The following TLN2 variants were observed in gnomAD, a reference collection of about 807,000 sequenced individuals.
The protein encoded by TLN2 is talin-2.
TLN2 carries 118 observed loss-of-function variants against 294.7 expected under a neutral mutation model. The ratio of observed to expected loss-of-function variants is 0.40; its 90% CI spans 0.34 to 0.47. The LOEUF is 0.47. TLN2 is among the 20% of genes least tolerant of loss of function. The probability of loss-of-function intolerance (pLI) is 0.84; values close to 1 mark genes in which losing one functional copy is unlikely to be tolerated. For missense variants in TLN2, 3,083 were observed against 3,282.2 expected (o/e 0.94, Z 1.48); for synonymous variants, 1,431 against 1,304.5 (o/e 1.10, Z -2.09).
At chr15:62,675,449 GTGC>G in intron 11 of TLN2, 128 bp downstream of exon 11, 1 of 877,984 alleles carries the variant, frequency 1.1e-6, no homozygotes, top group Non-Finnish European at 1.8e-6. Context: ...CATCTGGCTA[GTGC>G]TGACCTGCGT....
At chr15:62,818,631 G>A (rs544149395) in intron 52 of TLN2, among the ~76,000 whole-genome samples, 1 of 152,276 alleles carries the variant, frequency 6.6e-6, no homozygotes, top group African/African-American at 2.4e-5. Context: ...AAATCCTCAG[G>A]ACTTCTCCCA....
intron 2 of TLN2, among the ~76,000 whole-genome samples, chr15:62,613,209 A>G (rs2048057074): frequency 6.6e-6 from 1 of 152,240 alleles, no homozygotes; most frequent in Non-Finnish European, 1.5e-5. Flanking sequence ...TGGAATACAT[A>G]GAATCAGGCA....
chr15:62,703,709 T>C (rs1453875126), intron 19 of TLN2, among the ~76,000 whole-genome samples: 2 of 152,158 alleles, frequency 1.3e-5, no homozygotes, highest in Admixed American at 6.5e-5. Context: ...TTGTGTCTTA[T>C]CCAAAACCAC....
At chr15:62,569,415 A>C (rs2043677556) in intron 1 of TLN2, among the ~76,000 whole-genome samples, 1 of 152,132 alleles carries the variant, frequency 6.6e-6, no homozygotes. Context: ...CTGGCTCTAG[A>C]GTCTCTCTTC....
At chr15:62,648,674 A>G (rs2052222051) in intron 4 of TLN2, among the ~76,000 whole-genome samples, 1 of 150,888 alleles carries the variant, frequency 6.6e-6, no homozygotes, top group African/African-American at 2.4e-5. Context: ...CAGCCTCCCA[A>G]GTAGCTGGGA....
chr15:62,580,420 C>T (rs2044848024), intron 1 of TLN2, among the ~76,000 whole-genome samples: 1 of 151,172 alleles, frequency 6.6e-6, no homozygotes, highest in Non-Finnish European at 1.5e-5. Flanking sequence ...CCCTCCCTCC[C>T]TCCCTTCCTT....
rs2049934569 is a variant in TLN2 at position 62,631,901 on chromosome 15, A to G, written c.-37+13426A>G. Among the ~76,000 whole-genome samples the G allele has an allele frequency of 3.3e-5, 5 of 151,934 alleles. No individual in the cohort carries two copies. The South Asian group carries it at 1.0e-3, about 32-fold the overall frequency. ...GGCCTTGATAGTTTTATAGTGAGGT[A>G]TTTTTTAATAGTCTCCTCTCTATAG... is the stretch of plus-strand genomic sequence containing the variant. On this transcript the variant is annotated intron_variant, in intron 3 of 58. Coordinates refer to ENST00000636159, the MANE Select transcript of TLN2 (RefSeq NM_015059.3).
chr15:62,435,215 T>C (rs1373977175), intron 1 of TLN2, among the ~76,000 whole-genome samples: 1 of 152,238 alleles, frequency 6.6e-6, no homozygotes, highest in African/African-American at 2.4e-5. Flanking sequence ...TGAATAGTGC[T>C]GCAGTGAACA....
At chr15:62,426,761 C>T (rs539478511) in intron 1 of TLN2, among the ~76,000 whole-genome samples, 1 of 152,256 alleles carries the variant, frequency 6.6e-6, no homozygotes, top group East Asian at 1.9e-4. Flanking sequence ...GAGGCCCTGC[C>T]TTGTGGCCAG....
intron 3 of TLN2, among the ~76,000 whole-genome samples, chr15:62,626,490 C>T (rs777973146): frequency 6.6e-5 from 10 of 152,160 alleles, no homozygotes; most frequent in South Asian, 2.1e-4. Flanking sequence ...TGCTCACTAC[C>T]GCCCTTCATT....
chr15:62,579,562 T>A (rs1365670705), intron 1 of TLN2, among the ~76,000 whole-genome samples: 1 of 152,200 alleles, frequency 6.6e-6, no homozygotes, highest in Non-Finnish European at 1.5e-5. Flanking sequence ...CTGTTGCATT[T>A]ATGCTGTGGT....
intron 34 of TLN2, 41 bp from the exon 35 acceptor site, chr15:62,752,264 C>T (rs370672826): frequency 5.6e-6 from 9 of 1,607,846 alleles, no homozygotes; most frequent in Non-Finnish European, 6.8e-6. Flanking sequence ...TGGTTTGAGG[C>T]AATGCTGGAT....
chr15:62,443,829 A>G (rs764764047), intron 1 of TLN2, among the ~76,000 whole-genome samples: 4 of 152,138 alleles, frequency 2.6e-5, no homozygotes, highest in African/African-American at 9.7e-5. Flanking sequence ...GCGAAACCCT[A>G]TCTCTACAGA....
chr15:62,577,026 T>C (rs895200450), intron 1 of TLN2, among the ~76,000 whole-genome samples: 2 of 152,232 alleles, frequency 1.3e-5, no homozygotes, highest in Non-Finnish European at 2.9e-5. Flanking sequence ...GTGTCTTTCC[T>C]GGGTCACCTT....
Position 62,776,866 on chromosome 15 carries a change from CTGGT to C in TLN2, c.5474_5477del (p.Val1825GlyfsTer11). ...GAACGAAGCTGCCAGTGAAGTGGGG[CTGGT>C]TGGGGGCATGGTGGACGCCATTGCA... On this transcript the variant is annotated frameshift_variant, in exon 43 of 59. Coordinates refer to ENST00000636159, the MANE Select transcript of TLN2 (RefSeq NM_015059.3). LOFTEE classifies it high-confidence loss of function. 1 of 1,598,144 alleles carries C rather than the reference CTGGT, an allele frequency of 6.3e-7. No homozygotes were observed. The highest frequency in any genetic ancestry group is 8.5e-7 in the Non-Finnish European group (1 of 1,171,986).
intron 1 of TLN2, among the ~76,000 whole-genome samples, chr15:62,496,400 G>A (rs1030172975): frequency 1.4e-4 from 22 of 152,156 alleles, no homozygotes; most frequent in African/African-American, 4.8e-4. Context: ...TTCCCTTTCA[G>A]ATAAGGATTG....
rs529104013 is a variant in TLN2, at chr15:62,641,604, C to T, written c.-36-5671C>T. On this transcript the variant is annotated intron_variant, in intron 3 of 58. Transcript: ENST00000636159. ...CGCCACTGCATTCTTGCCTGGGCTA[C>T]GAGTAAAGCTCCATCTAAAAAATAA... Among the ~76,000 whole-genome samples, 152 of 151,770 alleles carry T rather than the reference C, an allele frequency of 1.0e-3. 1 individual carries two copies. The highest frequency in any genetic ancestry group is 6.6e-4 in the Admixed American group (10 of 15,238).
At chr15:62,426,729 C>T (rs1045135616) in intron 1 of TLN2, among the ~76,000 whole-genome samples, 2 of 152,036 alleles carry the variant, frequency 1.3e-5, no homozygotes, top group Non-Finnish European at 2.9e-5. Context: ...TTTTTTCATT[C>T]CCTTGGCAAA....
chr15:62,831,522 G>T (rs2068843676), intron 54 of TLN2: 1 of 151,502 alleles, frequency 6.6e-6, no homozygotes, highest in Non-Finnish European at 1.5e-5. Flanking sequence ...ATTTATTTGG[G>T]GACTGACTAC....
Sources: gnomAD v4.1 joint callset for allele counts (sites outside exome capture counted in the v4.1 genomes callset) on GRCh38, gnomAD v4.1.1 for gene constraint, MANE v1.5 for transcripts, NCBI Gene and HGNC (gene_info 2026-07-23, HGNC 2026-07-21) for gene names.